The following ARFGEF1 variants were observed in gnomAD, a reference collection of about 807,000 sequenced individuals.
The protein encoded by ARFGEF1 is ARF guanine nucleotide exchange factor 1, also known as brefeldin A-inhibited guanine nucleotide-exchange protein 1.
ARFGEF1 carries 42 observed loss-of-function variants against 231.0 expected under a neutral mutation model. The observed-to-expected ratio is 0.18, with a 90% confidence interval of 0.14 to 0.24. ARFGEF1 has a LOEUF of 0.24. Ranked by LOEUF, ARFGEF1 falls within the 10% of genes least tolerant of loss-of-function variation. The pLI is 1.00. For missense variants in ARFGEF1, 1,345 were observed against 2,192.0 expected, an observed-to-expected ratio of 0.61 and a Z score of 7.72; for synonymous variants, 710 against 732.3, an observed-to-expected ratio of 0.97 and a Z score of 0.49.
At chr8:67,243,288 G>A (rs1587120308) in intron 19 of ARFGEF1, among the ~76,000 whole-genome samples, 1 of 152,184 alleles carries the variant, frequency 6.6e-6, no homozygotes, top group South Asian at 2.1e-4. Flanking sequence ...CCAACACTGT[G>A]TAATTTATAA....
At chr8:67,190,745 A>G (rs1835989620) in intron 5 of ARFGEF1, 1 of 1,610,148 alleles carries the variant, frequency 6.2e-7, no homozygotes, top group Non-Finnish European at 8.5e-7. Flanking sequence ...GAACAAATGG[A>G]AAGGACTAGA....
rs918832470 is a variant in ARFGEF1, at chr8:67,252,495, G to C, written c.2698+956C>G. Among the ~76,000 whole-genome samples the C allele has an allele frequency of 2.6e-5, 4 of 152,086 alleles. No homozygotes were observed. In the South Asian group the frequency reaches 8.3e-4, roughly 32 times the overall value. Reference sequence around the variant, plus strand: ...ATAGGACAGAAAAAGAGGAATATGAGGATGATACAATATATAATATTCTTT... The same window carrying C: ...ATAGGACAGAAAAAGAGGAATATGACGATGATACAATATATAATATTCTTT... On this transcript the variant is annotated intron_variant, in intron 18 of 38. Coordinates refer to ENST00000262215, the MANE Select transcript of ARFGEF1 (RefSeq NM_006421.5).
In ARFGEF1 at chr8:67,211,606, A is replaced by T. The variant is rs778974444; in HGVS notation, c.4696T>A (p.Ser1566Thr). ...PVSEKPLDTI[S>T]QKSVDIHDSI... ...TCATGAATATCTACAGACTTCTGTGATATTGTATCCTAATAAATAAAAAAA... is the reference window on the plus strand; with the variant it reads ...TCATGAATATCTACAGACTTCTGTGTTATTGTATCCTAATAAATAAAAAAA... Residue 1566 changes from serine to threonine, a missense_variant, in exon 34 of 39, where the codon TCA (serine) becomes ACA (threonine). Ser to Thr is a moderately conservative substitution (Grantham distance 58). Coordinates refer to ENST00000262215, the MANE Select transcript of ARFGEF1 (RefSeq NM_006421.5). 1.6e-5 allele frequency: 24 copies of T among 1,488,028 alleles called. No homozygotes were observed. Among genetic ancestry groups the T allele is most frequent in the Non-Finnish European group, 1.7e-5 (19 of 1,107,736 alleles). 92.2% of individuals were successfully genotyped at this position (1,488,028 alleles called of 1,614,324 possible).
rs1388692148 is a variant in ARFGEF1, at chr8:67,253,337, G to GA, written c.2698+113dup. 6 of 641,628 alleles carry GA rather than the reference G, an allele frequency of 9.4e-6. No homozygotes were observed. The African/African-American group carries it at 1.1e-4, about 12-fold the overall frequency. The allele number at this position is 641,628 out of a possible 1,614,324, so 39.7% of individuals were successfully genotyped here. ...GTGATCCTTCTGCTTCAGCCTCCCTGAGTAGCTGGGGACTATAAATGCAAA... is the reference window on the plus strand; with the variant it reads ...GTGATCCTTCTGCTTCAGCCTCCCTGAAGTAGCTGGGGACTATAAATGCAAA... On this transcript the variant is annotated intron_variant, in intron 18 of 38. Transcript: ENST00000262215.
chr8:67,238,261 T>C, intron 22 of ARFGEF1, 82 bp downstream of exon 22: 1 of 1,357,198 alleles, frequency 7.4e-7, no homozygotes, highest in East Asian at 2.5e-5. Flanking sequence ...CTTCTCCTTC[T>C]AATTATATTT....
At chr8:67,279,684 T>C (rs1022820253) in intron 7 of ARFGEF1, among the ~76,000 whole-genome samples, 3 of 152,216 alleles carry the variant, frequency 2.0e-5, no homozygotes, top group Admixed American at 6.5e-5. Flanking sequence ...CCCCCGTGGC[T>C]TGAAATCTTC....
chr8:67,337,024 GA>G (rs1346735713), intron 1 of ARFGEF1, among the ~76,000 whole-genome samples: 16 of 151,628 alleles, frequency 1.1e-4, no homozygotes, highest in African/African-American at 3.9e-4. Context: ...AGCTACTCGA[GA>G]GGCTGAGGCA....
At chr8:67,200,242 C>G in intron 38 of ARFGEF1, 154 bp downstream of exon 38, 1 of 698,314 alleles carries the variant, frequency 1.4e-6, no homozygotes, top group Admixed American at 2.0e-5. Context: ...GAGGAAGATA[C>G]AGCAAGGCCA....
At position 67,201,611 on chromosome 8, in the gene ARFGEF1, G is replaced by C. The variant is rs974075190; in HGVS notation, c.5129-6C>G. ...CTTGGATTTGCCTTTGAATCCTGCA[G>C]AAAAGGGAAGTTTCTGGGATTAGTT... is the stretch of plus-strand genomic sequence containing the variant. On this transcript the variant is annotated splice_region_variant and splice_polypyrimidine_tract_variant and intron_variant, in intron 36 of 38. Transcript: ENST00000262215. 9.3e-6 allele frequency: 15 copies of C among 1,612,874 alleles called. No individual in the cohort carries two copies. The highest frequency in any genetic ancestry group is 5.3e-5 in the African/African-American group (4 of 74,864).
chr8:67,238,634 C>T, intron 21 of ARFGEF1, 101 bp downstream of exon 21: 3 of 1,465,630 alleles, frequency 2.0e-6, no homozygotes, highest in Non-Finnish European at 2.8e-6. Flanking sequence ...TCGAAATGTA[C>T]TAATTTTCTC....
At chr8:67,195,255 T>TA, downstream of ARFGEF1, 1 of 725,886 alleles carries the variant, frequency 1.4e-6, no homozygotes, top group Non-Finnish European at 2.5e-6. Context: ...AAACAAACAG[T>TA]AGAGTTCAGG....
chr8:67,290,390 T>C (rs1805957223), intron 6 of ARFGEF1, among the ~76,000 whole-genome samples: 1 of 152,222 alleles, frequency 6.6e-6, no homozygotes, highest in South Asian at 2.1e-4. Flanking sequence ...GGAAATTTCC[T>C]ACCCCTATCT....
At chr8:67,332,860 T>C (rs1022836361) in intron 1 of ARFGEF1, among the ~76,000 whole-genome samples, 1 of 152,112 alleles carries the variant, frequency 6.6e-6, no homozygotes, top group African/African-American at 2.4e-5. Flanking sequence ...AAACACAAAC[T>C]CATTTTCTTC....
At position 67,271,845 on chromosome 8, in the gene ARFGEF1, A is replaced by G. The variant is rs756761381; in HGVS notation, c.1429T>C (p.Phe477Leu). The G allele has an allele frequency of 6.2e-6, 10 of 1,613,662 alleles. No individual in the cohort carries two copies. The Admixed American group carries it at 1.5e-4, about 24-fold the overall frequency. Residue 477 changes from phenylalanine (F) to leucine (L), a missense_variant, in exon 10 of 39, where the codon TTT (phenylalanine) becomes CTT (leucine). Physicochemically the swap from Phe to Leu is conservative, Grantham distance 22. Coordinates refer to ENST00000262215, the MANE Select transcript of ARFGEF1 (RefSeq NM_006421.5). ...AGPIFRTNEM[F>L]INAIKQYLCV... ...AGATACTGCTTAATAGCATTAATAA[A>G]CATCTCATTTGTCCTGAAAATAGGT... is the stretch of plus-strand genomic sequence containing the variant.
At chr8:67,321,150 T>A (rs561174390) in intron 1 of ARFGEF1, among the ~76,000 whole-genome samples, 2 of 137,662 alleles carry the variant, frequency 1.5e-5, no homozygotes, top group South Asian at 5.0e-4. Context: ...AGAAATGGTG[T>A]GACTATAAGT....
rs556041059 is a variant in ARFGEF1, at chr8:67,286,618, C to T, written c.1027+1337G>A. On this transcript the variant is annotated intron_variant, in intron 7 of 38. Transcript: ENST00000262215. The stretch of plus-strand genomic sequence containing the variant: ...AATCTGGCCCACAGGCCGTAATGTG[C>T]CAACTCCTTAACTATACTATTATAT... Among the ~76,000 whole-genome samples the T allele has an allele frequency of 2.0e-5, 3 of 152,274 alleles. No homozygotes were observed. In the South Asian group the frequency reaches 6.2e-4, roughly 32 times the overall value.
intron 10 of ARFGEF1, 134 bp downstream of exon 10, chr8:67,271,568 T>TG (rs1396999034): frequency 1.5e-6 from 1 of 684,668 alleles, no homozygotes; most frequent in Non-Finnish European, 2.4e-6. Context: ...AACAGGTGAA[T>TG]GAAAAAAAAT....
chr8:67,238,979 C>T, intron 20 of ARFGEF1, 86 bp from the exon 21 acceptor site: 1 of 987,142 alleles, frequency 1.0e-6, no homozygotes, highest in East Asian at 2.8e-5. Flanking sequence ...TTTACTTGTT[C>T]AGTAAGATTT....
At chr8:67,297,689 T>C (rs1563898153) in intron 4 of ARFGEF1, among the ~76,000 whole-genome samples, 1 of 152,268 alleles carries the variant, frequency 6.6e-6, no homozygotes, top group Non-Finnish European at 1.5e-5. Flanking sequence ...AAGACTCTTA[T>C]CTTTTGTCTT....
Sources: gnomAD v4.1 joint callset for allele counts (sites outside exome capture counted in the v4.1 genomes callset) on GRCh38, gnomAD v4.1.1 for gene constraint, MANE v1.5 for transcripts, NCBI Gene and HGNC (gene_info 2026-07-23, HGNC 2026-07-21) for gene names.